WRN: variants seen among roughly 807,000 people sequenced by gnomAD.
WRN encodes the protein WRN RecQ like helicase.
A neutral mutation model predicts 180.7 loss-of-function variants in WRN; 149 were observed. The ratio of observed to expected loss-of-function variants is 0.82; its 90% CI spans 0.72 to 0.94. The LOEUF (loss-of-function observed/expected upper bound fraction) is 0.94, where lower values mean the gene tolerates loss of function less well. WRN is among the 40% of genes least tolerant of loss of function. The pLI, the probability that WRN is intolerant of heterozygous loss-of-function variation, is 0.00. For synonymous variants in WRN, 548 were observed against 568.9 expected (o/e 0.96, Z 0.52); for missense variants, 1,661 against 1,700.1 (o/e 0.98, Z 0.40).
intron 14 of WRN, 91 bp from the exon 15 acceptor site, chr8:31,090,743 A>C: frequency 8.5e-7 from 1 of 1,174,282 alleles, no homozygotes. Flanking sequence ...TCATCTGTAT[A>C]AGTACATTGT....
At position 31,143,061 on chromosome 8, in the gene WRN, TC is replaced by T. The variant is rs1563377806; in HGVS notation, c.3309+361del. Among the ~76,000 whole-genome samples the T allele has an allele frequency of 9.7e-4, 146 of 150,604 alleles. 1 individual carries two copies. Among genetic ancestry groups the T allele is most frequent in the African/African-American group, 2.0e-3 (82 of 41,088 alleles). The stretch of plus-strand genomic sequence containing the variant: ...CACACACACACACACACACATTCTC[TC>T]TCTCTCTCTCTCACACACACACACA... On this transcript the variant is annotated intron_variant, in intron 27 of 34. Transcript: ENST00000298139.
chr8:31,057,154 A>G (rs1812304310), intron 1 of WRN, among the ~76,000 whole-genome samples: 1 of 152,184 alleles, frequency 6.6e-6, no homozygotes, highest in Non-Finnish European at 1.5e-5. Flanking sequence ...ATATTGTTTA[A>G]TTTTGTCAGA....
intron 33 of WRN, among the ~76,000 whole-genome samples, chr8:31,161,668 G>A (rs879472803): frequency 6.6e-6 from 1 of 151,852 alleles, no homozygotes; most frequent in African/African-American, 2.4e-5. Flanking sequence ...ATGAAACTCC[G>A]TTTCTACTAA....
intron 34 of WRN, among the ~76,000 whole-genome samples, chr8:31,170,628 A>G (rs999996664): frequency 2.0e-5 from 3 of 152,142 alleles, no homozygotes; most frequent in African/African-American, 7.2e-5. Flanking sequence ...GATGTTTCCT[A>G]TTCGTAACTT....
chr8:31,096,690 A>G (rs938515757), intron 16 of WRN, 78 bp from the exon 17 acceptor site: 11 of 1,153,800 alleles, frequency 9.5e-6, no homozygotes, highest in East Asian at 2.5e-5. Flanking sequence ...ATTCCTTGAG[A>G]TGATTGTTTT....
At chr8:31,148,323 A>G (rs1370635083) in intron 30 of WRN, among the ~76,000 whole-genome samples, 1 of 152,164 alleles carries the variant, frequency 6.6e-6, no homozygotes, top group Non-Finnish European at 1.5e-5. Context: ...AAGCCTCTTA[A>G]CTATTAACCC....
chr8:31,087,301 T>C (rs142039356), intron 11 of WRN, among the ~76,000 whole-genome samples: 15 of 152,344 alleles, frequency 9.8e-5, no homozygotes, highest in African/African-American at 3.4e-4. Flanking sequence ...TAAAATGATT[T>C]GAATCTTTTG....
rs1405811309 is a variant in WRN, at chr8:31,063,833, C to T, written c.210-456C>T. ...CGAACTCCTGGACTCAAGTGATCCTCCTGCCTCAGCTTCCTGAGTAGCTGG... is the reference window on the plus strand; with the variant it reads ...CGAACTCCTGGACTCAAGTGATCCTTCTGCCTCAGCTTCCTGAGTAGCTGG... On this transcript the variant is annotated intron_variant, in intron 3 of 34. Coordinates refer to ENST00000298139, the MANE Select transcript of WRN (RefSeq NM_000553.6). Among the ~76,000 whole-genome samples, 5 of 152,216 alleles carry T rather than the reference C, an allele frequency of 3.3e-5. No individual in the cohort carries two copies. In the East Asian group the frequency reaches 7.7e-4, roughly 23 times the overall value.
intron 33 of WRN, among the ~76,000 whole-genome samples, chr8:31,165,703 C>T (rs572642291): frequency 1.1e-4 from 16 of 152,132 alleles, no homozygotes; most frequent in South Asian, 6.2e-4. Flanking sequence ...TGTTGAACAA[C>T]GTGGACTAAT....
intron 16 of WRN, among the ~76,000 whole-genome samples, 165 bp downstream of exon 16, chr8:31,092,063 A>G (rs1305284935): frequency 6.6e-6 from 1 of 152,134 alleles, no homozygotes; most frequent in East Asian, 1.9e-4. Context: ...TTTGTATACA[A>G]ACAAATTTTA....
At chr8:31,132,709 T>C (rs907465565) in intron 24 of WRN, among the ~76,000 whole-genome samples, 1 of 152,236 alleles carries the variant, frequency 6.6e-6, no homozygotes, top group Non-Finnish European at 1.5e-5. Flanking sequence ...GCTGTTTTCA[T>C]GTTCAAGCCG....
rs1813594768 is a variant in WRN at position 31,087,867 on chromosome 8, A to G, written c.1523A>G (p.Glu508Gly). The change falls in exon 12 of 35, where the codon GAA becomes GGA. Residue 508 changes from glutamate (E) to glycine (G), a missense_variant. This residue lies in a region of WRN where 1,141 missense variants were observed against 1,149.4 expected (regional missense o/e 0.99). Coordinates refer to ENST00000298139, the MANE Select transcript of WRN (RefSeq NM_000553.6). ...AATCTGGGTCTTCCTACTAAAGAAG[A>G]AGAAGAAGATGATGAAAATGAAGCT... Reference protein sequence around the residue: ...ERNLGLPTKEEEEDDENEANE... With the variant: ...ERNLGLPTKEGEEDDENEANE... 1 of 1,613,776 alleles carries G rather than the reference A, an allele frequency of 6.2e-7. No individual in the cohort carries two copies. Among genetic ancestry groups the G allele is most frequent in the Non-Finnish European group, 8.5e-7 (1 of 1,179,818 alleles).
chr8:31,054,566 A>G (rs887042549), intron 1 of WRN, among the ~76,000 whole-genome samples: 2 of 152,114 alleles, frequency 1.3e-5, no homozygotes, highest in Non-Finnish European at 2.9e-5. Flanking sequence ...CAAAAATTCC[A>G]GACAGCCTTT....
intron 3 of WRN, among the ~76,000 whole-genome samples, chr8:31,061,727 T>A (rs542358516): frequency 1.3e-5 from 2 of 152,314 alleles, no homozygotes; most frequent in Non-Finnish European, 2.9e-5. Context: ...TATAATAAGA[T>A]GTGACCCTTC....
intron 21 of WRN, among the ~76,000 whole-genome samples, chr8:31,123,276 C>G (rs1345921634): frequency 6.6e-6 from 1 of 152,012 alleles, no homozygotes; most frequent in Non-Finnish European, 1.5e-5. Context: ...CCCCAAAGCA[C>G]AAGAGTACTG....
chr8:31,171,513 CAT>C (rs993073065), intron 34 of WRN: 3 of 152,146 alleles, frequency 2.0e-5, no homozygotes, highest in African/African-American at 7.2e-5. Flanking sequence ...ATTTCTAAGT[CAT>C]AGTATCTTAC....
In WRN at chr8:31,134,526, G is replaced by A. The variant is rs78421090; in HGVS notation, c.2967+2020G>A. Among the ~76,000 whole-genome samples, 6 of 152,282 alleles carry A rather than the reference G, an allele frequency of 3.9e-5. No individual in the cohort carries two copies. In the East Asian group the frequency reaches 1.2e-3, roughly 29 times the overall value. Reference sequence around the variant, plus strand: ...TTACTTAAGGAACTTCGTTTTAGCTGTCTGAACAACTTACTGTATAAAAAT... The same window carrying A: ...TTACTTAAGGAACTTCGTTTTAGCTATCTGAACAACTTACTGTATAAAAAT... On this transcript the variant is annotated intron_variant, in intron 24 of 34. Transcript: ENST00000298139.
intron 24 of WRN, among the ~76,000 whole-genome samples, chr8:31,135,483 T>C (rs1220781698): frequency 6.6e-6 from 1 of 152,178 alleles, no homozygotes; most frequent in Non-Finnish European, 1.5e-5. Context: ...CATCATCTAT[T>C]ATGGAAGATG....
chr8:31,132,529 C>G (rs749492653), intron 24 of WRN, 23 bp downstream of exon 24: 32 of 1,613,636 alleles, frequency 2.0e-5, no homozygotes, highest in Non-Finnish European at 2.5e-5. Context: ...CTGTGAATTC[C>G]CTTCATAGAT....
Sources: allele counts gnomAD v4.1 joint callset (sites outside exome capture counted in the v4.1 genomes callset), GRCh38; gene constraint gnomAD v4.1.1; regional missense constraint gnomAD v4.1.1; transcripts MANE v1.5; gene names NCBI Gene and HGNC (gene_info 2026-07-23, HGNC 2026-07-21).